Variants in RGS5 observed in about 807,000 individuals in gnomAD.
RGS5 encodes the protein regulator of G-protein signalling 5.
Under a neutral mutation model 18.9 loss-of-function variants are expected in RGS5, and 20 were observed. The ratio of observed to expected loss-of-function variants is 1.06; its 90% CI spans 0.74 to 1.54. RGS5 has a LOEUF of 1.54. Ranked by LOEUF, RGS5 falls within the 40% of genes most tolerant of loss-of-function variation. The pLI is 0.00. For synonymous variants in RGS5, 57 were observed against 76.2 expected (o/e 0.75, Z 1.31); for missense variants, 201 against 211.8 (o/e 0.95, Z 0.32).
chr1:163,162,535 C>T (rs767347983), intron 2 of RGS5, among the ~76,000 whole-genome samples: 14 of 141,132 alleles, frequency 9.9e-5, no homozygotes, highest in Non-Finnish European at 1.9e-4. Flanking sequence ...AAAACGTAGG[C>T]GCATTTTTCC....
intron 2 of RGS5, among the ~76,000 whole-genome samples, chr1:163,263,191 T>C (rs1327528954): frequency 6.6e-6 from 1 of 152,222 alleles, no homozygotes; most frequent in African/African-American, 2.4e-5. Context: ...TTCAATTTTC[T>C]CCTGGCTTGC....
At chr1:163,172,684 G>A in intron 1 of RGS5, 3 of 1,383,684 alleles carry the variant, frequency 2.2e-6, no homozygotes, top group South Asian at 1.4e-5. Flanking sequence ...CTCAAGTATA[G>A]AGCATTATAA....
Position 163,152,673 on chromosome 1 carries a change from A to C in RGS5, c.261T>G (p.Ser87Arg). 6.2e-7 allele frequency: 1 copy of C among 1,610,324 alleles called. No individual in the cohort carries two copies. Among genetic ancestry groups the C allele is most frequent in the Non-Finnish European group, 8.5e-7 (1 of 1,178,272 alleles). ...CAATCCAGAACTCAAGGTTTTCCTC[A>C]CTGAATTCAGACTTCAGGAAACTTT... Reference protein sequence around the residue: ...SFKSFLKSEFSEENLEFWIAC... With the variant: ...SFKSFLKSEFREENLEFWIAC... Residue 87 changes from serine (S) to arginine (R), a missense_variant, in exon 4 of 5, where the codon AGT becomes AGG. Transcript: ENST00000313961.
intron 1 of RGS5, chr1:163,172,649 G>C (rs1571237905): frequency 6.5e-7 from 1 of 1,543,270 alleles, no homozygotes; most frequent in East Asian, 2.5e-5. Flanking sequence ...TCTTTCTATG[G>C]CTTCAGTTTC....
Position 163,215,892 on chromosome 1 carries a change from C to T in RGS5, c.69+1634G>A, listed in dbSNP as rs537408320. Reference sequence around the variant, plus strand: ...ACAGCCTGGGAAACATAGTGAAACACCGTGTCTATTCATTTAAATAATAAT... The same window carrying T: ...ACAGCCTGGGAAACATAGTGAAACATCGTGTCTATTCATTTAAATAATAAT... On this transcript the variant is annotated intron_variant, in intron 1 of 5. Transcript: ENST00000367903. Among the ~76,000 whole-genome samples the T allele has an allele frequency of 1.7e-4, 26 of 151,920 alleles. 1 individual carries two copies. The highest frequency in any genetic ancestry group is 1.7e-3 in the Admixed American group (26 of 15,244).
intron 2 of RGS5, among the ~76,000 whole-genome samples, chr1:163,250,495 A>T (rs1275414499): frequency 6.6e-6 from 1 of 152,194 alleles, no homozygotes; most frequent in East Asian, 1.9e-4. Context: ...ATTTGTCTGC[A>T]AACAGAACCC....
intron 2 of RGS5, among the ~76,000 whole-genome samples, chr1:163,241,121 CA>C (rs1432797675): frequency 6.6e-6 from 1 of 152,218 alleles, no homozygotes; most frequent in Non-Finnish European, 1.5e-5. Flanking sequence ...GACCTATCCC[CA>C]AAGGCTAGAT....
In RGS5 at chr1:163,202,848, C is replaced by T. The variant is rs375802662; in HGVS notation, c.-13G>A. On this transcript the variant is annotated 5_prime_UTR_variant, in exon 1 of 5. Transcript: ENST00000313961. ...GTCCTTTGCACATTTTGGCAGGTGG[C>T]TTAGCTCCTCCGCTTTAAGTACAAC... The T allele has an allele frequency of 9.4e-5, 151 of 1,613,014 alleles. 1 individual carries two copies. Among genetic ancestry groups the T allele is most frequent in the Non-Finnish European group, 1.2e-4 (145 of 1,179,384 alleles).
upstream of RGS5, among the ~76,000 whole-genome samples, chr1:163,220,391 C>A (rs945874789): frequency 1.3e-5 from 2 of 152,126 alleles, no homozygotes; most frequent in Non-Finnish European, 2.9e-5. Context: ...TACTAAGTAT[C>A]CAAACTTTCT....
chr1:163,254,429 T>G lies in RGS5; in HGVS notation c.-281+51804A>C, dbSNP rs574042745. On this transcript the variant is annotated intron_variant, in intron 2 of 5. Transcript: ENST00000618415. ...ATGGTGAGCATTTTTTCATGTGTTT[T>G]TTGGCTGCATAAATGTCTTCTTTTG... Among the ~76,000 whole-genome samples, 1,498 of 152,262 alleles carry G rather than the reference T, an allele frequency of 9.8e-3. 18 individuals carry two copies. Among genetic ancestry groups the G allele is most frequent in the Non-Finnish European group, 0.015 (1,051 of 67,986 alleles).
At position 163,290,655 on chromosome 1, in the gene RGS5, A is replaced by C. The variant is rs1274195457; in HGVS notation, c.-281+15578T>G. On this transcript the variant is annotated intron_variant, in intron 2 of 5. Transcript: ENST00000618415. ...CAGAAGACATGTGCAGCTCATACCA[A>C]AAAAAAAAAAAAAAATGAATATTTC... Among the ~76,000 whole-genome samples, 263 of 48,204 alleles carry C rather than the reference A, an allele frequency of 5.5e-3. 1 individual carries two copies. The highest frequency in any genetic ancestry group is 0.024 in the African/African-American group (255 of 10,562). The allele number at this position is 48,204 out of a possible 152,430, so 31.6% of individuals were successfully genotyped here.
At chr1:163,267,238 C>A (rs942398483) in intron 2 of RGS5, 1 of 152,006 alleles carries the variant, frequency 6.6e-6, no homozygotes, top group African/African-American at 2.4e-5. Flanking sequence ...TTCACCCTCT[C>A]TCTCTTTTTT....
chr1:163,235,294 G>A (rs928033930), intron 2 of RGS5, among the ~76,000 whole-genome samples: 2 of 152,086 alleles, frequency 1.3e-5, no homozygotes, highest in Admixed American at 6.6e-5. Context: ...ATACCACTCC[G>A]CTTAAGCTAG....
At chr1:163,164,761 A>G (rs1019852690) in intron 2 of RGS5, among the ~76,000 whole-genome samples, 2 of 152,214 alleles carry the variant, frequency 1.3e-5, no homozygotes, top group African/African-American at 4.8e-5. Context: ...TGCTATTGGC[A>G]ATGCTGGCAC....
intron 2 of RGS5, chr1:163,248,480 C>T (rs1409629846): frequency 6.6e-6 from 1 of 152,116 alleles, no homozygotes; most frequent in African/African-American, 2.4e-5. Context: ...AATGAACTAT[C>T]CTTAATCTTT....
At chr1:163,283,815 G>A (rs1649062183) in intron 2 of RGS5, among the ~76,000 whole-genome samples, 1 of 152,150 alleles carries the variant, frequency 6.6e-6, no homozygotes, top group Non-Finnish European at 1.5e-5. Context: ...AGAAGCCAAA[G>A]CCCTATTTTC....
At chr1:163,186,277 G>T (rs1659070330) in intron 1 of RGS5, among the ~76,000 whole-genome samples, 1 of 151,792 alleles carries the variant, frequency 6.6e-6, no homozygotes, top group Non-Finnish European at 1.5e-5. Flanking sequence ...CACCATGTTG[G>T]TCAGGCTGGT....
At chr1:163,184,541 T>C (rs1658990856) in intron 1 of RGS5, among the ~76,000 whole-genome samples, 1 of 152,096 alleles carries the variant, frequency 6.6e-6, no homozygotes, top group Admixed American at 6.6e-5. Context: ...TATCCCCAAA[T>C]CGCCCTCCAT....
At chr1:163,276,622 A>G (rs1460595649) in intron 2 of RGS5, among the ~76,000 whole-genome samples, 1 of 152,172 alleles carries the variant, frequency 6.6e-6, no homozygotes, top group Non-Finnish European at 1.5e-5. Context: ...AGGTTAATGA[A>G]TGGCTGTCCA....
Sources: allele counts gnomAD v4.1 joint callset (sites outside exome capture counted in the v4.1 genomes callset), GRCh38; gene constraint gnomAD v4.1.1; transcripts MANE v1.5; gene names NCBI Gene and HGNC (gene_info 2026-07-23, HGNC 2026-07-21).